Variants in OLA1 observed in about 807,000 individuals in gnomAD.
The protein encoded by OLA1 is Obg like ATPase 1, also known as obg-like ATPase 1.
Under a neutral mutation model 48.4 loss-of-function variants are expected in OLA1, and 14 were observed. That is an observed-to-expected ratio of 0.29 (90% CI 0.19 to 0.45). OLA1 has a LOEUF of 0.45. Ranked by LOEUF, OLA1 falls within the 20% of genes least tolerant of loss-of-function variation. The pLI is 1.00. For synonymous variants in OLA1, 127 were observed against 150.4 expected, an observed-to-expected ratio of 0.84 and a Z score of 1.14; for missense variants, 325 against 467.1, an observed-to-expected ratio of 0.70 and a Z score of 2.80.
At position 174,140,605 on chromosome 2, in the gene OLA1, C is replaced by T. The variant is rs573710880; in HGVS notation, c.549+1220G>A. 2.2e-3 allele frequency among the ~76,000 whole-genome samples: 329 copies of T among 152,130 alleles called. 2 individuals are homozygous for T. The Middle Eastern group carries it at 0.031, about 14-fold the overall frequency. ...CTGGTCTCAATCTCCTGATCTCAGG[C>T]GATCCACCTGCCTTGGCCTCCCAAA... On this transcript the variant is annotated intron_variant, in intron 5 of 10. Coordinates refer to ENST00000284719, the MANE Select transcript of OLA1 (RefSeq NM_013341.5).
intron 7 of OLA1, among the ~76,000 whole-genome samples, chr2:174,089,375 C>T (rs1004039568): frequency 6.6e-6 from 1 of 152,144 alleles, no homozygotes; most frequent in Non-Finnish European, 1.5e-5. Flanking sequence ...TCTGAGATAA[C>T]TATGCAGACC....
At chr2:174,226,701 G>A (rs1688624868) in intron 3 of OLA1, among the ~76,000 whole-genome samples, 1 of 152,130 alleles carries the variant, frequency 6.6e-6, no homozygotes, top group Non-Finnish European at 1.5e-5. Flanking sequence ...GTTTCTCCAT[G>A]TTAGTCAGGC....
At chr2:174,081,807 A>T (rs747153886) in intron 8 of OLA1, 117 bp downstream of exon 8, 1 of 987,170 alleles carries the variant, frequency 1.0e-6, no homozygotes, top group Non-Finnish European at 1.5e-6. Context: ...AAAGGAGAAG[A>T]TTCCCTCTTT....
intron 4 of OLA1, among the ~76,000 whole-genome samples, chr2:174,167,685 T>A (rs1687197424): frequency 6.6e-6 from 1 of 152,234 alleles, no homozygotes; most frequent in Non-Finnish European, 1.5e-5. Flanking sequence ...TTAAATAGTA[T>A]GTAATAATCA....
chr2:174,240,994 G>A (rs1688987081), intron 2 of OLA1, among the ~76,000 whole-genome samples: 1 of 152,150 alleles, frequency 6.6e-6, no homozygotes, highest in Non-Finnish European at 1.5e-5. Context: ...TCTCTGGGCT[G>A]GTGTCATGAC....
At chr2:174,227,926 G>A (rs1688650580) in intron 3 of OLA1, among the ~76,000 whole-genome samples, 1 of 152,172 alleles carries the variant, frequency 6.6e-6, no homozygotes, top group African/African-American at 2.4e-5. Context: ...TTTGTAATTA[G>A]AACTCACAAA....
Position 174,081,194 on chromosome 2 carries a change from A to G in OLA1, c.924T>C (p.Phe308=), listed in dbSNP as rs184229597. 312 of 1,611,890 alleles carry G rather than the reference A, an allele frequency of 1.9e-4. No individual in the cohort carries two copies. The highest frequency in any genetic ancestry group is 2.6e-4 in the Non-Finnish European group (301 of 1,179,026). ...AGFAALQLEY[F]FTAGPDEVRA... ...GCACTTCATCTGGGCCTGCAGTGAA[A>G]AAGTATTCTAGTTGGAGTGCTGCAA... The change falls in exon 9 of 11, where the codon TTT becomes TTC. Residue 308 remains phenylalanine, a synonymous_variant. Coordinates refer to ENST00000284719, the MANE Select transcript of OLA1 (RefSeq NM_013341.5).
chr2:174,089,342 C>T (rs1185714069), intron 7 of OLA1, among the ~76,000 whole-genome samples: 3 of 152,174 alleles, frequency 2.0e-5, no homozygotes, highest in Non-Finnish European at 1.5e-5. Context: ...AATAAACGCA[C>T]ATGAACTGAA....
At chr2:174,183,144 T>C (rs898322189) in intron 4 of OLA1, among the ~76,000 whole-genome samples, 5 of 152,146 alleles carry the variant, frequency 3.3e-5, no homozygotes, top group Non-Finnish European at 7.3e-5. Flanking sequence ...ATGTAACTAC[T>C]GTATCTGCAC....
rs147756556 is a variant in OLA1 at position 174,138,885 on chromosome 2, C to A, written c.549+2940G>T. On this transcript the variant is annotated intron_variant, in intron 5 of 10. Coordinates refer to ENST00000284719, the MANE Select transcript of OLA1 (RefSeq NM_013341.5). Reference sequence around the variant, plus strand: ...TCAGATGTTTTCAGAAAAAAAGACTCAATTATAATTTCTGGTAGTCTTTAG... The same window carrying A: ...TCAGATGTTTTCAGAAAAAAAGACTAAATTATAATTTCTGGTAGTCTTTAG... Among the ~76,000 whole-genome samples the A allele has an allele frequency of 3.5e-3, 538 of 152,264 alleles. 1 individual carries two copies. Among genetic ancestry groups the A allele is most frequent in the Non-Finnish European group, 4.5e-3 (304 of 68,016 alleles).
At chr2:174,126,451 T>C (rs1439753170) in intron 5 of OLA1, among the ~76,000 whole-genome samples, 1 of 152,180 alleles carries the variant, frequency 6.6e-6, no homozygotes, top group Non-Finnish European at 1.5e-5. Flanking sequence ...TTTGGTAACT[T>C]TAACAAATCC....
chr2:174,185,849 T>A (rs1330640501), intron 4 of OLA1, among the ~76,000 whole-genome samples: 1 of 151,888 alleles, frequency 6.6e-6, no homozygotes, highest in East Asian at 1.9e-4. Context: ...AATCACTACC[T>A]CCAGGAGGTA....
At chr2:174,215,136 T>A (rs1459274996) in intron 4 of OLA1, among the ~76,000 whole-genome samples, 1 of 152,044 alleles carries the variant, frequency 6.6e-6, no homozygotes, top group African/African-American at 2.4e-5. Flanking sequence ...AAGAACATTC[T>A]GGTATTTAAA....
At chr2:174,184,901 A>C (rs1022537615) in intron 4 of OLA1, among the ~76,000 whole-genome samples, 2 of 152,242 alleles carry the variant, frequency 1.3e-5, no homozygotes, top group South Asian at 2.1e-4. Flanking sequence ...AAAAAATTAT[A>C]AAGTAATATG....
chr2:174,187,896 A>G (rs1395413793), intron 4 of OLA1, among the ~76,000 whole-genome samples: 2 of 152,212 alleles, frequency 1.3e-5, no homozygotes, highest in Non-Finnish European at 2.9e-5. Context: ...ATGCTGAGTG[A>G]TGATGAATAA....
chr2:174,084,729 T>C (rs899270948), intron 7 of OLA1, among the ~76,000 whole-genome samples: 1 of 152,192 alleles, frequency 6.6e-6, no homozygotes, highest in Non-Finnish European at 1.5e-5. Context: ...CAAAAATGTG[T>C]GCTATTGGCA....
At chr2:174,235,647 C>G (rs138639354) in intron 2 of OLA1, among the ~76,000 whole-genome samples, 278 of 152,226 alleles carry the variant, frequency 1.8e-3, no homozygotes, top group African/African-American at 6.3e-3. Flanking sequence ...GTAGTCACAC[C>G]AAGTTGAAGA....
At chr2:174,185,060 G>A (rs1224361454) in intron 4 of OLA1, among the ~76,000 whole-genome samples, 1 of 152,110 alleles carries the variant, frequency 6.6e-6, no homozygotes, top group East Asian at 1.9e-4. Flanking sequence ...GGTCCAGCTT[G>A]GTGGAGCAGA....
intron 7 of OLA1, among the ~76,000 whole-genome samples, chr2:174,116,652 T>C (rs1207572710): frequency 1.3e-5 from 2 of 152,194 alleles, no homozygotes; most frequent in African/African-American, 4.8e-5. Flanking sequence ...AGGAATGCTC[T>C]GTACGCAATT....
Sources: allele counts gnomAD v4.1 joint callset (sites outside exome capture counted in the v4.1 genomes callset), GRCh38; gene constraint gnomAD v4.1.1; transcripts MANE v1.5; gene names NCBI Gene and HGNC (gene_info 2026-07-23, HGNC 2026-07-21).